The following SAMD5 variants were observed in gnomAD, a reference collection of about 807,000 sequenced individuals.
The protein encoded by SAMD5 is sterile alpha motif domain containing 5, also known as sterile alpha motif domain-containing protein 5.
SAMD5 carries 13 observed loss-of-function variants against 11.3 expected under a neutral mutation model. The observed-to-expected ratio is 1.15, with a 90% CI of 0.75 to 1.83. The LOEUF (loss-of-function observed/expected upper bound fraction) is 1.83, where lower values mean the gene tolerates loss of function less well. Ranked by LOEUF, SAMD5 falls within the 40% of genes most tolerant of loss-of-function variation. The pLI, the probability that SAMD5 is intolerant of heterozygous loss-of-function variation, is 0.00. For missense variants in SAMD5, 255 were observed against 239.1 expected (o/e 1.07, Z -0.44); for synonymous variants, 129 against 111.3 (o/e 1.16, Z -1.00).
the SAMD5 span, among the ~76,000 whole-genome samples, chr6:147,778,931 CTA>C: frequency 6.6e-6 from 1 of 150,664 alleles, no homozygotes; most frequent in Admixed American, 6.6e-5. Context: ...AATCAAGACT[CTA>C]TATATGAAGC....
chr6:147,629,948 C>CTTTTT (rs770484060), intron 1 of SAMD5, among the ~76,000 whole-genome samples: 18 of 123,200 alleles, frequency 1.5e-4, no homozygotes, highest in East Asian at 7.0e-4. Context: ...GTTTTCTTTT[C>CTTTTT]TTTTTTTTTT....
chr6:147,863,187 A>G, the SAMD5 span, among the ~76,000 whole-genome samples: 1 of 152,210 alleles, frequency 6.6e-6, no homozygotes, highest in Non-Finnish European at 1.5e-5. Context: ...GACATACTGG[A>G]AAGTAAATTC....
chr6:147,890,592 C>T, the SAMD5 span, among the ~76,000 whole-genome samples: 1 of 152,104 alleles, frequency 6.6e-6, no homozygotes, highest in Non-Finnish European at 1.5e-5. Context: ...CTCCTGACCT[C>T]AGGTGATCCA....
chr6:147,553,040 T>A (rs1788799307), intron 1 of SAMD5, among the ~76,000 whole-genome samples: 1 of 152,180 alleles, frequency 6.6e-6, no homozygotes, highest in Non-Finnish European at 1.5e-5. Context: ...CTAAGATATA[T>A]AATTCCATGT....
At chr6:147,663,962 C>G (rs1362128911) in intron 1 of SAMD5, among the ~76,000 whole-genome samples, 1 of 146,656 alleles carries the variant, frequency 6.8e-6, no homozygotes, top group African/African-American at 2.5e-5. Flanking sequence ...AACAGAACGT[C>G]ACATTTTTAG....
intron 1 of SAMD5, among the ~76,000 whole-genome samples, chr6:147,670,610 G>C (rs1490234982): frequency 6.6e-6 from 1 of 152,170 alleles, no homozygotes; most frequent in African/African-American, 2.4e-5. Context: ...TTTATGTGTT[G>C]GTGATGGCTT....
At chr6:147,577,192 A>C (rs1478182535) in intron 1 of SAMD5, among the ~76,000 whole-genome samples, 1 of 152,190 alleles carries the variant, frequency 6.6e-6, no homozygotes, top group Non-Finnish European at 1.5e-5. Context: ...AGGCAAGCTA[A>C]CATCGTCTAT....
At chr6:147,613,163 T>C (rs944682577) in intron 1 of SAMD5, among the ~76,000 whole-genome samples, 5 of 152,058 alleles carry the variant, frequency 3.3e-5, no homozygotes, top group African/African-American at 1.2e-4. Context: ...AAATCAAAAA[T>C]AAATAAAAAT....
the SAMD5 span, among the ~76,000 whole-genome samples, chr6:147,821,741 C>T: frequency 6.6e-6 from 1 of 152,114 alleles, no homozygotes; most frequent in Non-Finnish European, 1.5e-5. Flanking sequence ...GCTTTAAAAA[C>T]GGCATTAACT....
chr6:147,950,952 T>A, the SAMD5 span, among the ~76,000 whole-genome samples: 1 of 151,358 alleles, frequency 6.6e-6, no homozygotes, highest in African/African-American at 2.4e-5. Flanking sequence ...TTTCTTTACC[T>A]CATATTCTAG....
At chr6:147,856,828 G>T in the SAMD5 span, among the ~76,000 whole-genome samples, 18 of 148,404 alleles carry the variant, frequency 1.2e-4, no homozygotes, top group South Asian at 1.5e-3. Context: ...GCGCGGGGGG[G>T]GGGGGAAGCT....
At chr6:147,867,494 T>C in the SAMD5 span, among the ~76,000 whole-genome samples, 5 of 152,202 alleles carry the variant, frequency 3.3e-5, no homozygotes, top group Admixed American at 1.3e-4. Flanking sequence ...GGGCAGTTCA[T>C]TTGTGATGGG....
At chr6:147,634,617 G>A (rs879564450) in intron 1 of SAMD5, among the ~76,000 whole-genome samples, 16 of 152,130 alleles carry the variant, frequency 1.1e-4, no homozygotes, top group Non-Finnish European at 1.9e-4. Context: ...TAGTTCTTTC[G>A]TTTTCTTGAA....
the SAMD5 span, among the ~76,000 whole-genome samples, chr6:147,768,661 A>G: frequency 6.8e-3 from 1,043 of 152,360 alleles, 11 homozygotes; most frequent in African/African-American, 0.024. Flanking sequence ...TTTTTAATCA[A>G]TAAATCATGT....
At chr6:147,541,628 C>T (rs1032877261) in intron 1 of SAMD5, among the ~76,000 whole-genome samples, 4 of 152,166 alleles carry the variant, frequency 2.6e-5, no homozygotes, top group Non-Finnish European at 1.5e-5. Context: ...GGAGGGTTCT[C>T]TGAGTTAGCC....
At chr6:147,592,758 G>A (rs1239477870) in intron 1 of SAMD5, among the ~76,000 whole-genome samples, 1 of 152,112 alleles carries the variant, frequency 6.6e-6, no homozygotes, top group Admixed American at 6.5e-5. Context: ...GATGCATGGA[G>A]AATGTGTGAG....
intron 1 of SAMD5, among the ~76,000 whole-genome samples, chr6:147,515,492 C>T (rs1328953948): frequency 6.6e-6 from 1 of 151,818 alleles, no homozygotes; most frequent in Non-Finnish European, 1.5e-5. Context: ...ATTCATTCAT[C>T]CATTCATCCT....
the SAMD5 span, among the ~76,000 whole-genome samples, chr6:147,905,076 C>T: frequency 2.0e-5 from 3 of 151,978 alleles, no homozygotes; most frequent in East Asian, 1.9e-4. Flanking sequence ...TTAGTCGAGA[C>T]GGGGTTTCTC....
chr6:147,575,557 G>A lies in SAMD5; in HGVS notation c.162+66170G>A, dbSNP rs889908979. On this transcript the variant is annotated intron_variant, in intron 1 of 1. Coordinates refer to the SAMD5 transcript ENST00000566741. ...CCTGTTTTCAACTCTGGTTTCATAC[G>A]TGTTAAATTTGAAAATATGTGCATT... 2.6e-5 allele frequency among the ~76,000 whole-genome samples: 4 copies of A among 152,190 alleles called. No homozygotes were observed. In the East Asian group the frequency reaches 5.8e-4, roughly 22 times the overall value.
Sources: gnomAD v4.1 joint callset for allele counts (sites outside exome capture counted in the v4.1 genomes callset) on GRCh38, gnomAD v4.1.1 for gene constraint, MANE v1.5 for transcripts, NCBI Gene and HGNC (gene_info 2026-07-23, HGNC 2026-07-21) for gene names.